The following ARHGAP10 variants were observed in gnomAD, a reference collection of about 807,000 sequenced individuals.
ARHGAP10 encodes the protein rho GTPase-activating protein 10.
Under a neutral mutation model 108.6 loss-of-function variants are expected in ARHGAP10, and 87 were observed. The observed-to-expected ratio is 0.80, with a 90% CI of 0.67 to 0.96. The LOEUF (loss-of-function observed/expected upper bound fraction) is 0.96. Among genes scored for constraint, ARHGAP10 ranks in the 40% least tolerant of loss-of-function variants. The pLI is 0.00. For missense variants in ARHGAP10, 939 were observed against 954.5 expected (o/e 0.98, Z 0.21); for synonymous variants, 347 against 341.1 (o/e 1.02, Z -0.19).
intron 20 of ARHGAP10, among the ~76,000 whole-genome samples, chr4:148,047,937 C>T (rs1194566757): frequency 6.6e-6 from 1 of 152,064 alleles, no homozygotes; most frequent in African/African-American, 2.4e-5. Flanking sequence ...ATTCTCCTGC[C>T]TCAGCCTCCC....
At chr4:147,964,824 T>C (rs953734391) in intron 16 of ARHGAP10, among the ~76,000 whole-genome samples, 200 bp from the exon 17 acceptor site, 3 of 152,130 alleles carry the variant, frequency 2.0e-5, no homozygotes, top group Admixed American at 1.3e-4. Context: ...AGGGGAGGCA[T>C]GAGAAGATTC....
intron 18 of ARHGAP10, among the ~76,000 whole-genome samples, chr4:147,987,332 T>G (rs1030707206): frequency 2.0e-5 from 3 of 152,174 alleles, no homozygotes; most frequent in African/African-American, 7.2e-5. Flanking sequence ...TTTAAAAAAT[T>G]TTTTCTGGAA....
At chr4:148,020,668 C>G (rs1741534026) in intron 18 of ARHGAP10, among the ~76,000 whole-genome samples, 1 of 152,006 alleles carries the variant, frequency 6.6e-6, no homozygotes, top group Non-Finnish European at 1.5e-5. Flanking sequence ...TATATATACA[C>G]CACATTTTCT....
chr4:147,786,336 G>A (rs1730889443), intron 1 of ARHGAP10, among the ~76,000 whole-genome samples: 1 of 152,160 alleles, frequency 6.6e-6, no homozygotes, highest in Non-Finnish European at 1.5e-5. Flanking sequence ...ACAACATTCA[G>A]GTTATGTGAC....
chr4:147,892,734 G>A lies in ARHGAP10; in HGVS notation c.1034+10802G>A, dbSNP rs1735835980. ...ATCACAGGAAGTATGGAGAACACATGTTGAGATAATCCTTTAAATCAGAGG... is the reference window on the plus strand; with the variant it reads ...ATCACAGGAAGTATGGAGAACACATATTGAGATAATCCTTTAAATCAGAGG... On this transcript the variant is annotated intron_variant, in intron 10 of 22. Coordinates refer to ENST00000336498, the MANE Select transcript of ARHGAP10 (RefSeq NM_024605.4). Among the ~76,000 whole-genome samples the A allele has an allele frequency of 2.0e-5, 3 of 152,220 alleles. No homozygotes were observed. The South Asian group carries it at 6.2e-4, about 31-fold the overall frequency.
chr4:147,763,549 A>G (rs953515030), intron 1 of ARHGAP10, among the ~76,000 whole-genome samples: 4 of 151,732 alleles, frequency 2.6e-5, no homozygotes, highest in African/African-American at 9.7e-5. Flanking sequence ...TGACCTTGTG[A>G]TCCGCCTGCC....
At chr4:147,989,110 G>C (rs1740161661) in intron 18 of ARHGAP10, among the ~76,000 whole-genome samples, 1 of 152,200 alleles carries the variant, frequency 6.6e-6, no homozygotes, top group Admixed American at 6.5e-5. Flanking sequence ...GTCCGGGGGA[G>C]ACATCACACA....
At chr4:147,972,806 G>A (rs1392461079) in intron 18 of ARHGAP10, among the ~76,000 whole-genome samples, 1 of 151,908 alleles carries the variant, frequency 6.6e-6, no homozygotes, top group Non-Finnish European at 1.5e-5. Context: ...CCAGGCTGGA[G>A]TGCAGTGGCA....
Position 147,822,928 on chromosome 4 carries a change from A to C in ARHGAP10, c.283A>C (p.Lys95Gln). The C allele has an allele frequency of 6.2e-7, 1 of 1,613,986 alleles. No individual in the cohort carries two copies. Among genetic ancestry groups the C allele is most frequent in the African/African-American group, 1.3e-5 (1 of 75,032 alleles). Residue 95 changes from lysine to glutamine, a missense_variant, in exon 3 of 23, where the codon AAG (lysine) becomes CAG (glutamine). Transcript: ENST00000336498. Reference sequence around the variant, plus strand: ...CTTACGTGAATTTTCAAATTTTTTGAAGAATCTGGAGGAACAGAGAGAAAT... The same window carrying C: ...CTTACGTGAATTTTCAAATTTTTTGCAGAATCTGGAGGAACAGAGAGAAAT... ...ASLREFSNFL[K>Q]NLEEQREIMA...
chr4:147,915,952 T>A (rs548299744), intron 13 of ARHGAP10, among the ~76,000 whole-genome samples: 8 of 152,210 alleles, frequency 5.3e-5, no homozygotes, highest in East Asian at 1.9e-4. Context: ...AAAATTTTTT[T>A]AAAAAAATTA....
At chr4:147,784,788 A>AT (rs1730786384) in intron 1 of ARHGAP10, among the ~76,000 whole-genome samples, 2 of 40,054 alleles carry the variant, frequency 5.0e-5, no homozygotes, top group African/African-American at 1.1e-4. Context: ...TATATTATAA[A>AT]ATATATATTA....
intron 13 of ARHGAP10, among the ~76,000 whole-genome samples, chr4:147,913,811 A>C (rs1736850711): frequency 6.6e-6 from 1 of 152,088 alleles, no homozygotes; most frequent in Non-Finnish European, 1.5e-5. Flanking sequence ...TGGTTGAAGC[A>C]CTCTGAAGAT....
intron 18 of ARHGAP10, among the ~76,000 whole-genome samples, chr4:147,989,423 A>G (rs928550869): frequency 3.3e-5 from 5 of 152,238 alleles, no homozygotes; most frequent in Admixed American, 3.3e-4. Context: ...TCCTCTTCCT[A>G]ATAAGCCTGG....
chr4:148,067,306 C>T (rs999478542), intron 22 of ARHGAP10, among the ~76,000 whole-genome samples: 1 of 152,216 alleles, frequency 6.6e-6, no homozygotes, highest in African/African-American at 2.4e-5. Flanking sequence ...TGTGTTTGCA[C>T]CTTACATCTT....
chr4:147,968,149 T>G (rs1431730507), intron 18 of ARHGAP10, among the ~76,000 whole-genome samples: 1 of 152,142 alleles, frequency 6.6e-6, no homozygotes, highest in Non-Finnish European at 1.5e-5. Flanking sequence ...TTCATTTATA[T>G]GTAGGGATGA....
intron 1 of ARHGAP10, among the ~76,000 whole-genome samples, chr4:147,732,977 C>T (rs961657763): frequency 1.3e-5 from 2 of 152,184 alleles, no homozygotes; most frequent in African/African-American, 2.4e-5. Flanking sequence ...CTGATCTTCC[C>T]CGACAGTCCT....
chr4:147,744,617 G>T (rs555146997), intron 1 of ARHGAP10, among the ~76,000 whole-genome samples: 3 of 152,106 alleles, frequency 2.0e-5, no homozygotes, highest in Admixed American at 1.3e-4. Flanking sequence ...AGACTTAGCA[G>T]CTGCAGGCTA....
intron 18 of ARHGAP10, among the ~76,000 whole-genome samples, chr4:147,972,569 T>A (rs1739451073): frequency 6.6e-6 from 1 of 152,024 alleles, no homozygotes; most frequent in South Asian, 2.1e-4. Context: ...ACACCAAGAT[T>A]TTCCTGTTAG....
At chr4:148,032,159 A>G (rs931971463) in intron 19 of ARHGAP10, among the ~76,000 whole-genome samples, 1 of 152,148 alleles carries the variant, frequency 6.6e-6, no homozygotes, top group Non-Finnish European at 1.5e-5. Flanking sequence ...CCATATATGA[A>G]AACTCAAAAA....
Sources: allele counts gnomAD v4.1 joint callset (sites outside exome capture counted in the v4.1 genomes callset), GRCh38; gene constraint gnomAD v4.1.1; transcripts MANE v1.5; gene names NCBI Gene and HGNC (gene_info 2026-07-23, HGNC 2026-07-21).